The following ANKRD36C variants were observed in gnomAD, a reference collection of about 807,000 sequenced individuals.
The protein encoded by ANKRD36C is ankyrin repeat domain 36C, also known as ankyrin repeat domain-containing protein 36C.
A neutral mutation model predicts 276.4 loss-of-function variants in ANKRD36C; 61 were observed. The ratio of observed to expected loss-of-function variants is 0.22; its 90% CI spans 0.18 to 0.27. The LOEUF (loss-of-function observed/expected upper bound fraction) is 0.27, where lower values mean the gene tolerates loss of function less well. Ranked by LOEUF, ANKRD36C falls within the 10% of genes least tolerant of loss-of-function variation. The pLI is 1.00. For missense variants in ANKRD36C, 1,447 were observed against 2,032.3 expected (o/e 0.71, Z 5.54); for synonymous variants, 483 against 680.1 (o/e 0.71, Z 4.51).
rs1364017895 is a variant in ANKRD36C, at chr2:95,928,523, T to C, written c.1837+549A>G. Reference sequence around the variant, plus strand: ...CTTTTATGCAAATATTCTAAATGCATCTGAAATGAGTTCACTCAGGTTTCC... The same window carrying C: ...CTTTTATGCAAATATTCTAAATGCACCTGAAATGAGTTCACTCAGGTTTCC... On this transcript the variant is annotated intron_variant, in intron 26 of 66. Transcript: ENST00000456556. Among the ~76,000 whole-genome samples the C allele has an allele frequency of 1.3e-5, 2 of 151,568 alleles. 1 individual carries two copies. Among genetic ancestry groups the C allele is most frequent in the Non-Finnish European group, 3.0e-5 (2 of 67,692 alleles).
chr2:95,980,655 T>A, exon 5 of ANKRD36C: 1 of 1,612,276 alleles, frequency 6.2e-7, no homozygotes, highest in Non-Finnish European at 8.5e-7. Flanking sequence ...TACACTCTGT[T>A]CTTAGCCTCG....
chr2:95,917,768 C>G (rs1296676428), intron 36 of ANKRD36C, 87 bp downstream of exon 38: 8 of 1,494,096 alleles, frequency 5.4e-6, no homozygotes, highest in Non-Finnish European at 7.2e-6. Flanking sequence ...CGAGCACCCC[C>G]AACCGCCCTC....
chr2:95,933,899 C>A (rs987633405), intron 24 of ANKRD36C, among the ~76,000 whole-genome samples: 66 of 152,248 alleles, frequency 4.3e-4, no homozygotes, highest in Non-Finnish European at 2.9e-5. Flanking sequence ...CTAAAAGGAA[C>A]TTAAACAAAT....
At chr2:95,921,422 C>T (rs1185754017) in intron 34 of ANKRD36C, among the ~76,000 whole-genome samples, 185 bp downstream of exon 34, 3 of 151,530 alleles carry the variant, frequency 2.0e-5, no homozygotes, top group African/African-American at 2.4e-5. Flanking sequence ...GCAAAGATCA[C>T]GTTCCAAGCC....
At chr2:95,870,297 G>C (rs983237111) in intron 59 of ANKRD36C, among the ~76,000 whole-genome samples, 2 of 152,048 alleles carry the variant, frequency 1.3e-5, no homozygotes, top group African/African-American at 4.8e-5. Context: ...CACACAGCCG[G>C]GTACTCCTCT....
chr2:95,973,188 C>T (rs1347237537), intron 6 of ANKRD36C, among the ~76,000 whole-genome samples: 7 of 151,826 alleles, frequency 4.6e-5, no homozygotes, highest in African/African-American at 1.7e-4. Context: ...CTGGGGCGGG[C>T]GGATCACAAG....
At chr2:95,921,163 A>G (rs540939203) in intron 34 of ANKRD36C, among the ~76,000 whole-genome samples, 8 of 150,844 alleles carry the variant, frequency 5.3e-5, no homozygotes, top group Admixed American at 5.3e-4. Flanking sequence ...TAATTGCTAC[A>G]TCAGGGATCT....
At chr2:95,884,180 A>T (rs1676148605) in exon 54 of ANKRD36C, 1 of 1,607,366 alleles carries the variant, frequency 6.2e-7, no homozygotes, top group Non-Finnish European at 8.5e-7. Context: ...TACCTGTCCC[A>T]GATTTTTCTC....
intron 14 of ANKRD36C, among the ~76,000 whole-genome samples, chr2:95,951,645 A>G (rs887802437): frequency 2.0e-5 from 3 of 151,722 alleles, no homozygotes; most frequent in Non-Finnish European, 2.9e-5. Flanking sequence ...TGATTATTAT[A>G]CAAATACTAT....
intron 5 of ANKRD36C, 137 bp from the exon 6 acceptor site, chr2:95,978,326 C>T (rs984224371): frequency 8.8e-6 from 3 of 339,470 alleles, no homozygotes; most frequent in South Asian, 3.3e-5. Flanking sequence ...GTAAGCTCTA[C>T]AAACTTCTTA....
At chr2:95,915,788 G>T (rs548560271) in intron 38 of ANKRD36C, among the ~76,000 whole-genome samples, 192 bp downstream of exon 40, 1 of 151,592 alleles carries the variant, frequency 6.6e-6, no homozygotes, top group East Asian at 2.0e-4. Flanking sequence ...GTGGGGATGT[G>T]TATAATCTTA....
At position 95,876,554 on chromosome 2, in the gene ANKRD36C, A is replaced by G. The variant is rs759589613; in HGVS notation, c.3470-45T>C. On this transcript the variant is annotated intron_variant, in intron 58 of 66. Transcript: ENST00000456556. ...ATTTAGTTAAAATGAGCTACACAGA[A>G]CAGTTAGATAAAAGCCATGGTCAGC... 13 of 1,563,660 alleles carry G rather than the reference A, an allele frequency of 8.3e-6. No homozygotes were observed. The East Asian group carries it at 2.5e-4, about 30-fold the overall frequency.
intron 42 of ANKRD36C, among the ~76,000 whole-genome samples, chr2:95,908,156 A>G (rs1005176158): frequency 8.7e-5 from 13 of 149,736 alleles, no homozygotes; most frequent in African/African-American, 1.7e-4. Context: ...TACGATCTGA[A>G]GTGTGTAAAT....
At chr2:95,958,506 T>G in intron 12 of ANKRD36C, 85 bp downstream of exon 12, 3 of 1,495,408 alleles carry the variant, frequency 2.0e-6, no homozygotes, top group Non-Finnish European at 1.8e-6. Context: ...GCAGCTTCAA[T>G]GAGCCCCCTG....
Position 95,856,194 on chromosome 2 carries a change from A to T in ANKRD36C, c.4081-14T>A, listed in dbSNP as rs1558616439. The T allele has an allele frequency of 1.3e-6, 2 of 1,566,396 alleles. No individual in the cohort carries two copies. Among genetic ancestry groups the T allele is most frequent in the African/African-American group, 2.8e-5 (2 of 72,676 alleles). Reference sequence around the variant, plus strand: ...AGTTTCAGAAACCTAAGTAAAACAAAGCAAACTTGTAACTAGTATCCAATA... The same window carrying T: ...AGTTTCAGAAACCTAAGTAAAACAATGCAAACTTGTAACTAGTATCCAATA... On this transcript the variant is annotated splice_polypyrimidine_tract_variant and intron_variant, in intron 62 of 66. Transcript: ENST00000456556.
intron 59 of ANKRD36C, among the ~76,000 whole-genome samples, chr2:95,873,106 C>G (rs985240108): frequency 6.6e-6 from 1 of 152,142 alleles, no homozygotes; most frequent in African/African-American, 2.4e-5. Flanking sequence ...GAAGTGATAC[C>G]CTTCCTTCTG....
intron 1 of ANKRD36C, among the ~76,000 whole-genome samples, chr2:95,988,020 TTATTGA>T (rs1368308726): frequency 6.6e-6 from 1 of 152,118 alleles, no homozygotes; most frequent in Non-Finnish European, 1.5e-5. Context: ...AAACATTATC[TTATTGA>T]TATATAAAGT....
intron 6 of ANKRD36C, among the ~76,000 whole-genome samples, chr2:95,975,938 A>T (rs1362554342): frequency 6.6e-6 from 1 of 152,176 alleles, no homozygotes; most frequent in Non-Finnish European, 1.5e-5. Context: ...CAAGAAAAAA[A>T]CAAACAACCC....
chr2:95,874,143 C>A (rs1255014859), intron 59 of ANKRD36C, among the ~76,000 whole-genome samples: 1 of 151,996 alleles, frequency 6.6e-6, no homozygotes, highest in Non-Finnish European at 1.5e-5. Context: ...CCATCAAGCT[C>A]CCAAAGACTT....
Sources: gnomAD v4.1 joint callset for allele counts (sites outside exome capture counted in the v4.1 genomes callset) on GRCh38, gnomAD v4.1.1 for gene constraint, MANE v1.5 for transcripts, NCBI Gene and HGNC (gene_info 2026-07-23, HGNC 2026-07-21) for gene names.